Variants in STK3 observed in about 807,000 individuals in gnomAD.
STK3 encodes the protein serine/threonine-protein kinase 3.
STK3 carries 41 observed loss-of-function variants against 58.0 expected under a neutral mutation model. The ratio of observed to expected loss-of-function variants is 0.71; its 90% confidence interval spans 0.55 to 0.92. STK3 has a LOEUF of 0.92. Ranked by LOEUF, STK3 falls within the 40% of genes least tolerant of loss-of-function variation. The pLI, the probability that STK3 is intolerant of heterozygous loss-of-function variation, is 0.00. For synonymous variants in STK3, 170 were observed against 191.0 expected, an observed-to-expected ratio of 0.89 and a Z score of 0.91; for missense variants, 479 against 602.7, an observed-to-expected ratio of 0.79 and a Z score of 2.15.
At chr8:98,743,691 T>C (rs1279810537) in intron 4 of STK3, among the ~76,000 whole-genome samples, 6 of 152,152 alleles carry the variant, frequency 3.9e-5, no homozygotes, top group African/African-American at 1.4e-4. Flanking sequence ...ACTTCATGTC[T>C]AAAACACCAA....
intron 1 of STK3, among the ~76,000 whole-genome samples, 170 bp downstream of exon 1, chr8:98,825,345 C>T (rs535825984): frequency 2.0e-5 from 3 of 152,072 alleles, no homozygotes; most frequent in Non-Finnish European, 2.9e-5. Context: ...CAGGTCCCCT[C>T]GCCCGTGGAC....
chr8:98,470,709 T>A (rs1009608368), intron 10 of STK3, among the ~76,000 whole-genome samples: 1 of 152,202 alleles, frequency 6.6e-6, no homozygotes, highest in Admixed American at 6.5e-5. Context: ...ATTTTAAAGA[T>A]GACATTTTTC....
At chr8:98,460,121 G>A (rs1478117082) in intron 10 of STK3, among the ~76,000 whole-genome samples, 1 of 152,194 alleles carries the variant, frequency 6.6e-6, no homozygotes, top group Non-Finnish European at 1.5e-5. Context: ...CTGAGAGGAG[G>A]GCTGTAACCT....
rs1055537054 is a variant in STK3 at position 98,842,062 on chromosome 8, T to C, written c.110+41585A>G. Among the ~76,000 whole-genome samples, 5 of 151,796 alleles carry C rather than the reference T, an allele frequency of 3.3e-5. No individual in the cohort carries two copies. The East Asian group carries it at 9.6e-4, about 29-fold the overall frequency. ...AATATAACAAGCTCCATAAAATACA[T>C]AGAAATAATCCAAAAGAAAACTATA... On this transcript the variant is annotated intron_variant, in intron 3 of 12. Coordinates refer to the STK3 transcript ENST00000523601.
At chr8:98,495,540 C>T (rs999045327) in intron 10 of STK3, among the ~76,000 whole-genome samples, 88 of 152,232 alleles carry the variant, frequency 5.8e-4, no homozygotes, top group African/African-American at 2.0e-3. Context: ...TCTGAATTAG[C>T]CAAACCTTCT....
At chr8:98,706,413 A>G in intron 6 of STK3, 54 bp downstream of exon 6, 1 of 1,495,108 alleles carries the variant, frequency 6.7e-7, no homozygotes, top group South Asian at 1.4e-5. Flanking sequence ...TGACATTACA[A>G]AACGGCAACA....
At chr8:98,623,852 G>C (rs1818512680) in intron 6 of STK3, among the ~76,000 whole-genome samples, 1 of 152,182 alleles carries the variant, frequency 6.6e-6, no homozygotes, top group African/African-American at 2.4e-5. Context: ...AAGCCAGAGG[G>C]AGACCTCAGA....
At chr8:98,791,371 A>T (rs566242809) in intron 1 of STK3, among the ~76,000 whole-genome samples, 5 of 152,364 alleles carry the variant, frequency 3.3e-5, no homozygotes, top group South Asian at 2.1e-4. Context: ...GGTAGAATCA[A>T]TATTGTGATA....
intron 6 of STK3, among the ~76,000 whole-genome samples, chr8:98,692,334 T>G (rs1311679167): frequency 6.6e-6 from 1 of 152,154 alleles, no homozygotes; most frequent in Non-Finnish European, 1.5e-5. Context: ...AACAAATGAA[T>G]GAATAAACAA....
intron 10 of STK3, among the ~76,000 whole-genome samples, chr8:98,497,303 A>T (rs1490601722): frequency 6.6e-6 from 1 of 152,194 alleles, no homozygotes; most frequent in African/African-American, 2.4e-5. Context: ...AACTCAAAAT[A>T]GATCAAAGAC....
At chr8:98,431,979 G>C (rs562689747) in intron 3 of STK3, 2 of 167,048 alleles carry the variant, frequency 1.2e-5, no homozygotes, top group African/African-American at 4.8e-5. Flanking sequence ...AGAACAACCC[G>C]GCTGGCTTAA....
At chr8:98,413,690 T>C in intron 3 of STK3, 1 of 954,872 alleles carries the variant, frequency 1.0e-6, no homozygotes, top group Non-Finnish European at 1.7e-6. Flanking sequence ...GCACCACAAA[T>C]TGGTTTAGAA....
At chr8:98,678,285 ATAAAATT>A (rs557802610) in intron 6 of STK3, among the ~76,000 whole-genome samples, 57 of 152,308 alleles carry the variant, frequency 3.7e-4, no homozygotes, top group South Asian at 2.5e-3. Flanking sequence ...CTATGTGGAA[ATAAAATT>A]TGTAGAAAAG....
At chr8:98,898,327 ACT>A (rs1006584246) in intron 1 of STK3, among the ~76,000 whole-genome samples, 15 of 151,932 alleles carry the variant, frequency 9.9e-5, no homozygotes, top group East Asian at 9.7e-4. Context: ...TTCACAACAA[ACT>A]CTGTTGAGGC....
intron 1 of STK3, among the ~76,000 whole-genome samples, chr8:98,934,195 A>T (rs190802897): frequency 3.9e-5 from 6 of 152,296 alleles, no homozygotes; most frequent in Admixed American, 3.3e-4. Flanking sequence ...CAGTACAGGG[A>T]CTTTTCCACT....
chr8:98,827,653 G>GT (rs200840492), upstream of STK3, among the ~76,000 whole-genome samples: 738 of 151,768 alleles, frequency 4.9e-3, 2 homozygotes, highest in Non-Finnish European at 7.8e-3. Flanking sequence ...AAGAAAAAGG[G>GT]TTTTTTTTGT....
At chr8:98,715,736 G>T (rs1484807794) in intron 4 of STK3, among the ~76,000 whole-genome samples, 1 of 152,088 alleles carries the variant, frequency 6.6e-6, no homozygotes, top group Non-Finnish European at 1.5e-5. Context: ...ATTCCTCAGG[G>T]ATCTAGAACT....
chr8:98,637,950 C>T lies in STK3; in HGVS notation c.685-41781G>A, dbSNP rs1158363223. Among the ~76,000 whole-genome samples, 5 of 152,184 alleles carry T rather than the reference C, an allele frequency of 3.3e-5. No homozygotes were observed. In the East Asian group the frequency reaches 9.6e-4, roughly 29 times the overall value. On this transcript the variant is annotated intron_variant, in intron 6 of 10. Coordinates refer to ENST00000419617, the MANE Select transcript of STK3 (RefSeq NM_006281.4). ...TTAAATATCTTATTAGGTGTTGGCA[C>T]CCAACATTTTCTTATAATCTATCAT... is the stretch of plus-strand genomic sequence containing the variant.
chr8:98,538,362 G>GAGAT (rs1419600265), intron 9 of STK3, among the ~76,000 whole-genome samples: 3 of 152,170 alleles, frequency 2.0e-5, no homozygotes, highest in African/African-American at 7.2e-5. Context: ...ACATAACATG[G>GAGAT]AGAAGGTCCA....
Sources: gnomAD v4.1 joint callset for allele counts (sites outside exome capture counted in the v4.1 genomes callset) on GRCh38, gnomAD v4.1.1 for gene constraint, MANE v1.5 for transcripts, NCBI Gene and HGNC (gene_info 2026-07-23, HGNC 2026-07-21) for gene names.